UBE2D2: variants seen among roughly 807,000 people sequenced by gnomAD.
UBE2D2 encodes ubiquitin-conjugating enzyme E2 D2.
In UBE2D2, 2 loss-of-function variants were observed where a neutral mutation model predicts 24.2. The observed-to-expected ratio is 0.08, with a 90% CI of 0.03 to 0.26. The LOEUF (loss-of-function observed/expected upper bound fraction) is 0.26. Among genes scored for constraint, UBE2D2 ranks in the 10% least tolerant of loss-of-function variants. UBE2D2 has a pLI of 1.00. For synonymous variants in UBE2D2, 58 were observed against 56.5 expected, an observed-to-expected ratio of 1.03 and a Z score of -0.12; for missense variants, 44 against 177.6, an observed-to-expected ratio of 0.25 and a Z score of 4.28.
At chr5:139,586,950 A>T (rs1753737825) in intron 1 of UBE2D2, among the ~76,000 whole-genome samples, 1 of 152,128 alleles carries the variant, frequency 6.6e-6, no homozygotes, top group South Asian at 2.1e-4. Flanking sequence ...TCTGTTGCCT[A>T]GGCTGAAGTA....
At chr5:139,595,623 T>C (rs942913770) in intron 1 of UBE2D2, among the ~76,000 whole-genome samples, 2 of 151,828 alleles carry the variant, frequency 1.3e-5, no homozygotes, top group African/African-American at 4.8e-5. Context: ...GGTGAGCCAC[T>C]GTGCCCAGCC....
At position 139,561,534 on chromosome 5, in the gene UBE2D2, A is replaced by ACGGCGG. The variant is rs1221261562; in HGVS notation, c.-248_-243dup. 2.4e-6 allele frequency: 1 copy of ACGGCGG among 413,568 alleles called. No homozygotes were observed. Among genetic ancestry groups the ACGGCGG allele is most frequent in the Non-Finnish European group, 4.3e-6 (1 of 234,572 alleles). 25.6% of individuals were successfully genotyped at this position (413,568 alleles called of 1,614,324 possible). On this transcript the variant is annotated 5_prime_UTR_variant, in exon 1 of 7. Coordinates refer to ENST00000398733, the MANE Select transcript of UBE2D2 (RefSeq NM_003339.3). The stretch of plus-strand genomic sequence containing the variant: ...CTGATCCTGGGAGGAAGAGGCAGCT[A>ACGGCGG]CGGCGGCGGCGGCGGTGGCGGCTAG...
intron 1 of UBE2D2, among the ~76,000 whole-genome samples, chr5:139,586,317 T>G (rs1753724266): frequency 6.6e-6 from 1 of 152,146 alleles, no homozygotes; most frequent in Admixed American, 6.6e-5. Context: ...AAGATGGAAC[T>G]CACTGACTTT....
intron 5 of UBE2D2, among the ~76,000 whole-genome samples, chr5:139,622,487 C>A (rs1754529991): frequency 6.6e-6 from 1 of 150,728 alleles, no homozygotes; most frequent in African/African-American, 2.4e-5. Flanking sequence ...TCGTGATCCA[C>A]CCCCCTCCGC....
At chr5:139,610,312 G>C (rs1415801120) in intron 2 of UBE2D2, among the ~76,000 whole-genome samples, 1 of 152,014 alleles carries the variant, frequency 6.6e-6, no homozygotes, top group Non-Finnish European at 1.5e-5. Flanking sequence ...GGAGGTCGAA[G>C]TGGGCGGATC....
At chr5:139,625,992 A>G (rs1275741639) in intron 6 of UBE2D2, among the ~76,000 whole-genome samples, 1 of 152,066 alleles carries the variant, frequency 6.6e-6, no homozygotes, top group Non-Finnish European at 1.5e-5. Flanking sequence ...AAACCCATTC[A>G]TTTTGTCAAC....
At chr5:139,598,041 A>G (rs1481951937) in intron 1 of UBE2D2, among the ~76,000 whole-genome samples, 3 of 152,120 alleles carry the variant, frequency 2.0e-5, no homozygotes, top group Non-Finnish European at 4.4e-5. Context: ...AGCTGGGACT[A>G]CAGGCACCCG....
upstream of UBE2D2, among the ~76,000 whole-genome samples, chr5:139,560,380 T>C (rs1753049304): frequency 6.6e-6 from 1 of 152,120 alleles, no homozygotes; most frequent in Non-Finnish European, 1.5e-5. Flanking sequence ...GTATATTTAG[T>C]ACAGAAGGGG....
chr5:139,578,434 T>G (rs1234062546), intron 1 of UBE2D2, among the ~76,000 whole-genome samples: 1 of 145,074 alleles, frequency 6.9e-6, no homozygotes, highest in Non-Finnish European at 1.5e-5. Context: ...GTTTTGTGTT[T>G]TGTGTGTGTG....
intron 1 of UBE2D2, among the ~76,000 whole-genome samples, chr5:139,581,539 A>G (rs1353793453): frequency 6.6e-6 from 1 of 151,670 alleles, no homozygotes; most frequent in Non-Finnish European, 1.5e-5. Flanking sequence ...ATTTTGGAAT[A>G]TTTGCATATA....
At chr5:139,579,775 C>T (rs1016735217) in intron 1 of UBE2D2, among the ~76,000 whole-genome samples, 3 of 151,842 alleles carry the variant, frequency 2.0e-5, no homozygotes, top group East Asian at 2.0e-4. Flanking sequence ...ATGTTGGGCG[C>T]GGTGGCTCAC....
chr5:139,542,397 C>G (rs1375686004), intron 1 of UBE2D2, among the ~76,000 whole-genome samples: 1 of 152,124 alleles, frequency 6.6e-6, no homozygotes, highest in African/African-American at 2.4e-5. Flanking sequence ...GAGATAGAGT[C>G]TCACTCTTTC....
At chr5:139,592,596 CTTT>C (rs34558950) in intron 1 of UBE2D2, among the ~76,000 whole-genome samples, 7 of 104,888 alleles carry the variant, frequency 6.7e-5, no homozygotes, top group East Asian at 2.6e-4. Context: ...GTTCAGTAAT[CTTT>C]TTTTTTTTTT....
At chr5:139,616,187 C>T (rs1434982222) in intron 5 of UBE2D2, among the ~76,000 whole-genome samples, 4 of 145,844 alleles carry the variant, frequency 2.7e-5, no homozygotes, top group South Asian at 4.8e-4. Context: ...TGGCCTGGCA[C>T]GGTGGCTCAC....
intron 1 of UBE2D2, among the ~76,000 whole-genome samples, chr5:139,568,022 G>A (rs1753272544): frequency 6.6e-6 from 1 of 152,204 alleles, no homozygotes; most frequent in Non-Finnish European, 1.5e-5. Context: ...GAAAGTAGTT[G>A]TAACGCTGAA....
At chr5:139,571,648 A>G (rs550276000) in intron 1 of UBE2D2, among the ~76,000 whole-genome samples, 31 of 152,240 alleles carry the variant, frequency 2.0e-4, no homozygotes, top group Admixed American at 1.8e-3. Context: ...TACTTGTTTT[A>G]GTCATAGCCC....
chr5:139,548,193 A>AAAAAAAAAATAAAT lies in UBE2D2; in HGVS notation c.-64+21584_-64+21585insAAAAAATAAATAAA. 7.0e-3 allele frequency among the ~76,000 whole-genome samples: 326 copies of AAAAAAAAAATAAAT among 46,838 alleles called. 12 individuals are homozygous for AAAAAAAAAATAAAT. Among genetic ancestry groups the AAAAAAAAAATAAAT allele is most frequent in the East Asian group, 9.9e-3 (15 of 1,518 alleles). The allele number at this position is 46,838 out of a possible 152,430, so 30.7% of individuals were successfully genotyped here. The stretch of plus-strand genomic sequence containing the variant: ...AAAAAAAAAAAAAAAATAAAAAAAA[A>AAAAAAAAAATAAAT]AAATAAATAAATAAATAAATAAACG... On this transcript the variant is annotated intron_variant, in intron 1 of 6. Transcript: ENST00000511725.
intron 2 of UBE2D2, among the ~76,000 whole-genome samples, chr5:139,603,836 C>T (rs930869067): frequency 5.3e-5 from 8 of 151,462 alleles, no homozygotes; most frequent in Non-Finnish European, 2.9e-5. Context: ...GTAATCCCAT[C>T]TATTTGGGAG....
At chr5:139,561,097 G>C (rs540817455), upstream of UBE2D2, 5 of 152,846 alleles carry the variant, frequency 3.3e-5, no homozygotes, top group Middle Eastern at 3.4e-3. Context: ...CATCAGCAAT[G>C]AAGTCAACGG....
Sources: gnomAD v4.1 joint callset for allele counts (sites outside exome capture counted in the v4.1 genomes callset) on GRCh38, gnomAD v4.1.1 for gene constraint, MANE v1.5 for transcripts, NCBI Gene and HGNC (gene_info 2026-07-23, HGNC 2026-07-21) for gene names.